EIF4EBP2: variants seen among roughly 807,000 people sequenced by gnomAD.
EIF4EBP2 encodes the protein eukaryotic translation initiation factor 4E binding protein 2.
A neutral mutation model predicts 10.3 loss-of-function variants in EIF4EBP2; 5 were observed. The observed-to-expected ratio is 0.48, with a 90% CI of 0.25 to 1.02. EIF4EBP2 has a LOEUF of 1.02. Ranked by LOEUF, EIF4EBP2 falls within the 50% of genes least tolerant of loss-of-function variation. The probability of loss-of-function intolerance (pLI) is 0.15; values close to 1 mark genes in which losing one functional copy is unlikely to be tolerated. For missense variants in EIF4EBP2, 188 were observed against 162.2 expected (o/e 1.16, Z -0.86); for synonymous variants, 67 against 61.1 (o/e 1.10, Z -0.45).
chr10:70,416,180 A>G (rs768269124), intron 1 of EIF4EBP2, among the ~76,000 whole-genome samples: 14 of 152,208 alleles, frequency 9.2e-5, no homozygotes, highest in Non-Finnish European at 1.5e-4. Context: ...AGATCAAACC[A>G]CAGTGAGAAA....
intron 1 of EIF4EBP2, among the ~76,000 whole-genome samples, chr10:70,413,888 A>G (rs538478330): frequency 1.3e-5 from 2 of 152,140 alleles, no homozygotes; most frequent in Non-Finnish European, 2.9e-5. Context: ...TATATGAGCT[A>G]TGGATTTCTT....
chr10:70,404,312 CTT>C lies in EIF4EBP2; in HGVS notation c.-87_-86del, dbSNP rs1331976047. 126 of 1,423,464 alleles carry C rather than the reference CTT, an allele frequency of 8.9e-5. 1 individual carries two copies. The highest frequency in any genetic ancestry group is 1.1e-4 in the Non-Finnish European group (124 of 1,093,034). The allele number at this position is 1,423,464 out of a possible 1,614,324, so 88.2% of individuals were successfully genotyped here. A position where few individuals can be genotyped will look rare whatever the true frequency, so the allele number is the denominator to read the frequency against. ...GCGAGCGAGGAGCGCGCAGAGCGCGCTTTTCCGTCCGCCTGAGGAGCCGAAGC... is the reference window on the plus strand; with the variant it reads ...GCGAGCGAGGAGCGCGCAGAGCGCGCTTCCGTCCGCCTGAGGAGCCGAAGC... On this transcript the variant is annotated 5_prime_UTR_variant, in exon 1 of 3. Transcript: ENST00000373218.
At chr10:70,409,517 T>C (rs1845020073) in intron 1 of EIF4EBP2, among the ~76,000 whole-genome samples, 1 of 152,346 alleles carries the variant, frequency 6.6e-6, no homozygotes, top group Non-Finnish European at 1.5e-5. Flanking sequence ...ATTAAACAGC[T>C]AATTATTGTC....
chr10:70,404,408 T>C lies in EIF4EBP2; in HGVS notation c.7T>C (p.Ser3Pro). 6.3e-7 allele frequency: 1 copy of C among 1,583,004 alleles called. No homozygotes were observed. Among genetic ancestry groups the C allele is most frequent in the East Asian group, 2.4e-5 (1 of 41,868 alleles). MS[S>P]SAGSGHQPSQ... The stretch of plus-strand genomic sequence containing the variant: ...AGAGCCCGCGCCCACAGCCATGTCC[T>C]CGTCAGCCGGCAGCGGCCACCAGCC... Residue 3 changes from serine (S) to proline (P), a missense_variant, in exon 1 of 3, where the codon TCG becomes CCG. Coordinates refer to ENST00000373218, the MANE Select transcript of EIF4EBP2 (RefSeq NM_004096.5).
chr10:70,422,989 C>G lies in EIF4EBP2; in HGVS notation c.*1242C>G, dbSNP rs1052693352. 3 of 152,164 alleles carry G rather than the reference C, an allele frequency of 2.0e-5. No homozygotes were observed. The highest frequency in any genetic ancestry group is 4.4e-5 in the Non-Finnish European group (3 of 67,974). 9.4% of individuals were successfully genotyped at this position (152,164 alleles called of 1,614,324 possible). A position where few individuals can be genotyped will look rare whatever the true frequency, so the allele number is the denominator to read the frequency against. ...TCCCTACCTCCCTCACTTTCTTCCT[C>G]TCTCCTTCCTTTCCTTCCTTTTTCT... On this transcript the variant is annotated 3_prime_UTR_variant, in exon 3 of 3. Transcript: ENST00000373218.
At chr10:70,421,581 A>G in intron 2 of EIF4EBP2, 135 bp from the exon 3 acceptor site, 2 of 755,172 alleles carry the variant, frequency 2.6e-6, no homozygotes, top group Admixed American at 4.9e-5. Context: ...AGCAAAGCAG[A>G]GTAATTGTTT....
At position 70,427,419 on chromosome 10, in the gene EIF4EBP2, T is replaced by C. The variant is rs1845214855; in HGVS notation, c.*5672T>C. 1 of 152,232 alleles carries C rather than the reference T, an allele frequency of 6.6e-6. No individual in the cohort carries two copies. The highest frequency in any genetic ancestry group is 1.5e-5 in the Non-Finnish European group (1 of 68,036). The allele number at this position is 152,232 out of a possible 1,614,324, so 9.4% of individuals were successfully genotyped here. ...CAGGGCCGCTTCCTGTTCCTAGTCA[T>C]GGTTTTCCAGTTTAGTAGTGGAGTT... On this transcript the variant is annotated 3_prime_UTR_variant, in exon 3 of 3. Coordinates refer to ENST00000373218, the MANE Select transcript of EIF4EBP2 (RefSeq NM_004096.5).
chr10:70,408,383 G>A (rs74602013), intron 1 of EIF4EBP2, among the ~76,000 whole-genome samples: 4 of 152,220 alleles, frequency 2.6e-5, no homozygotes, highest in Non-Finnish European at 5.9e-5. Context: ...CAAAGTGCTG[G>A]GAGTACAGGC....
rs965039883 is a variant in EIF4EBP2, at chr10:70,427,755, A to T, written c.*6008A>T. The T allele has an allele frequency of 3.3e-5, 5 of 152,096 alleles. No homozygotes were observed. The highest frequency in any genetic ancestry group is 2.6e-4 in the Admixed American group (4 of 15,260). The allele number at this position is 152,096 out of a possible 1,614,324, so 9.4% of individuals were successfully genotyped here. A position where few individuals can be genotyped will look rare whatever the true frequency, so the allele number is the denominator to read the frequency against. ...TGAAACACATTTCCAAGGGTATTTA[A>T]ACTCTCACTCTGCCACCTTTCTAAG... On this transcript the variant is annotated 3_prime_UTR_variant, in exon 3 of 3. Coordinates refer to ENST00000373218, the MANE Select transcript of EIF4EBP2 (RefSeq NM_004096.5).
chr10:70,420,275 C>T (rs1169738105), intron 2 of EIF4EBP2, among the ~76,000 whole-genome samples, 176 bp downstream of exon 2: 1 of 152,230 alleles, frequency 6.6e-6, no homozygotes, highest in Non-Finnish European at 1.5e-5. Flanking sequence ...TCTCAGCACA[C>T]TGCAACCTCC....
intron 1 of EIF4EBP2, among the ~76,000 whole-genome samples, chr10:70,415,217 A>G (rs1845082238): frequency 6.6e-6 from 1 of 152,184 alleles, no homozygotes; most frequent in Non-Finnish European, 1.5e-5. Flanking sequence ...CATGAAAACA[A>G]TTTGATAGGA....
intron 1 of EIF4EBP2, among the ~76,000 whole-genome samples, chr10:70,407,747 C>T (rs1173312652): frequency 1.4e-5 from 2 of 145,434 alleles, no homozygotes; most frequent in Admixed American, 6.8e-5. Context: ...CCCCACCTCC[C>T]TCCCAGACGG....
Position 70,420,089 on chromosome 10 carries a change from A to G in EIF4EBP2, c.321A>G (p.Lys107=), listed in dbSNP as rs1845138764. 6.2e-7 allele frequency: 1 copy of G among 1,604,306 alleles called. No individual in the cohort carries two copies. The highest frequency in any genetic ancestry group is 1.1e-5 in the South Asian group (1 of 88,746). Residue 107 remains lysine (K), a synonymous_variant, in exon 2 of 3, where the codon AAA becomes AAG. Coordinates refer to ENST00000373218, the MANE Select transcript of EIF4EBP2 (RefSeq NM_004096.5). ...NLNNLNNHDR[K]HAVGDDAQFE... ...ACAACTTGAACAATCACGACAGGAA[A>G]CATGCAGTTGGTAAGAGAATGGCGA...
rs1226501050 is a variant in EIF4EBP2 at position 70,422,879 on chromosome 10, T to G, written c.*1132T>G. On this transcript the variant is annotated 3_prime_UTR_variant, in exon 3 of 3. Transcript: ENST00000373218. ...TTTTTCCTTTGTGGATCTGCTTTGT[T>G]TGGCTGCTGGGATAGATAAGCATGG... 6.6e-6 allele frequency: 1 copy of G among 152,230 alleles called. No homozygotes were observed. Among genetic ancestry groups the G allele is most frequent in the Non-Finnish European group, 1.5e-5 (1 of 68,030 alleles). The allele number at this position is 152,230 out of a possible 1,614,324, so 9.4% of individuals were successfully genotyped here. A position where few individuals can be genotyped will look rare whatever the true frequency, so the allele number is the denominator to read the frequency against.
chr10:70,417,872 C>T (rs1405720660), intron 1 of EIF4EBP2, among the ~76,000 whole-genome samples: 1 of 152,140 alleles, frequency 6.6e-6, no homozygotes, highest in African/African-American at 2.4e-5. Context: ...AGCTCCTTCC[C>T]TTTGTTCATT....
intron 1 of EIF4EBP2, among the ~76,000 whole-genome samples, chr10:70,410,872 T>TG (rs1845037184): frequency 6.6e-6 from 1 of 152,232 alleles, no homozygotes; most frequent in South Asian, 2.1e-4. Flanking sequence ...TAGTAGAAAT[T>TG]GAAGTTACAT....
chr10:70,427,249 CA>C lies in EIF4EBP2; in HGVS notation c.*5503del, dbSNP rs1845213644. ...AGGTGTGGTATTTGTTTTAAAGAAA[CA>C]TTGTTTCTTTGGGAGGGCAGTTTCT... On this transcript the variant is annotated 3_prime_UTR_variant, in exon 3 of 3. Transcript: ENST00000373218. The C allele has an allele frequency of 6.6e-6, 1 of 152,150 alleles. No homozygotes were observed. Among genetic ancestry groups the C allele is most frequent in the South Asian group, 2.1e-4 (1 of 4,834 alleles). The allele number at this position is 152,150 out of a possible 1,614,324, so 9.4% of individuals were successfully genotyped here. A position where few individuals can be genotyped will look rare whatever the true frequency, so the allele number is the denominator to read the frequency against.
chr10:70,416,203 T>A (rs1845092348), intron 1 of EIF4EBP2, among the ~76,000 whole-genome samples: 1 of 152,208 alleles, frequency 6.6e-6, no homozygotes, highest in South Asian at 2.1e-4. Context: ...ACTTCATATC[T>A]GCTAATGTTG....
At chr10:70,411,892 A>G (rs1296113203) in intron 1 of EIF4EBP2, among the ~76,000 whole-genome samples, 2 of 152,100 alleles carry the variant, frequency 1.3e-5, no homozygotes, top group Non-Finnish European at 2.9e-5. Context: ...TTTTTGGTCA[A>G]ACTAATATGT....
Sources: allele counts gnomAD v4.1 joint callset (sites outside exome capture counted in the v4.1 genomes callset), GRCh38; gene constraint gnomAD v4.1.1; transcripts MANE v1.5; gene names NCBI Gene and HGNC (gene_info 2026-07-23, HGNC 2026-07-21).